RFTN2: variants seen among roughly 807,000 people sequenced by gnomAD.
RFTN2 encodes raftlin-2.
RFTN2 carries 34 observed loss-of-function variants against 52.7 expected under a neutral mutation model. The observed-to-expected ratio is 0.64, with a 90% CI of 0.49 to 0.86. RFTN2 has a LOEUF of 0.86. RFTN2 is among the 40% of genes least tolerant of loss of function. The pLI, the probability that RFTN2 is intolerant of heterozygous loss-of-function variation, is 0.00. For missense variants in RFTN2, 536 were observed against 600.1 expected (o/e 0.89, Z 1.12); for synonymous variants, 203 against 217.7 (o/e 0.93, Z 0.59).
Position 197,588,998 on chromosome 2 carries a change from T to TG in RFTN2, c.1233+6992dup, listed in dbSNP as rs1316198451. ...CAGCATTTTGGGAGGCCAAGGCAGG[T>TG]GGACCACGAGGTCAGGAGTTTGAAC... On this transcript the variant is annotated intron_variant, in intron 8 of 8. Transcript: ENST00000295049. Among the ~76,000 whole-genome samples the TG allele has an allele frequency of 2.0e-5, 3 of 151,972 alleles. No individual in the cohort carries two copies. In the South Asian group the frequency reaches 6.2e-4, roughly 32 times the overall value.
chr2:197,577,085 C>T (rs1050607735), intron 8 of RFTN2, among the ~76,000 whole-genome samples: 11 of 152,180 alleles, frequency 7.2e-5, no homozygotes, highest in African/African-American at 2.4e-4. Flanking sequence ...GGAGTTGTCC[C>T]GCTTTTAGTC....
At chr2:197,674,318 T>A (rs539424093) in intron 1 of RFTN2, among the ~76,000 whole-genome samples, 1 of 84,646 alleles carries the variant, frequency 1.2e-5, no homozygotes, top group African/African-American at 4.6e-5. Context: ...TGCACAAAGA[T>A]GCACTGTTTC....
intron 5 of RFTN2, among the ~76,000 whole-genome samples, chr2:197,626,118 T>A (rs1488790279): frequency 6.6e-6 from 1 of 152,108 alleles, no homozygotes; most frequent in Non-Finnish European, 1.5e-5. Flanking sequence ...CAAATGAGAT[T>A]ATGACTCCCT....
chr2:197,629,947 C>T (rs1024046244), intron 5 of RFTN2, among the ~76,000 whole-genome samples: 8 of 152,142 alleles, frequency 5.3e-5, no homozygotes, highest in African/African-American at 1.4e-4. Context: ...TAGTCTCGAA[C>T]TCCTGGACTC....
chr2:197,641,018 G>A (rs1163096741), intron 3 of RFTN2, among the ~76,000 whole-genome samples: 1 of 152,152 alleles, frequency 6.6e-6, no homozygotes, highest in Non-Finnish European at 1.5e-5. Flanking sequence ...TTAGTTAAAT[G>A]AAGAAATAGC....
chr2:197,626,779 C>T (rs374290282), intron 5 of RFTN2, among the ~76,000 whole-genome samples: 1 of 151,824 alleles, frequency 6.6e-6, no homozygotes, highest in South Asian at 2.1e-4. Flanking sequence ...CCACCACATC[C>T]AGCACATTTT....
chr2:197,629,205 T>A (rs188468233), intron 5 of RFTN2, among the ~76,000 whole-genome samples: 37 of 152,254 alleles, frequency 2.4e-4, no homozygotes, highest in African/African-American at 8.9e-4. Flanking sequence ...CAAATGTCCA[T>A]CAATGATAGA....
chr2:197,651,422 C>T (rs1055768867), intron 1 of RFTN2, among the ~76,000 whole-genome samples: 8 of 152,156 alleles, frequency 5.3e-5, no homozygotes, highest in African/African-American at 1.9e-4. Flanking sequence ...AGTTTGAGAC[C>T]AGCCTGGCCA....
chr2:197,641,263 A>C (rs1239576196), intron 3 of RFTN2, among the ~76,000 whole-genome samples: 5 of 152,234 alleles, frequency 3.3e-5, no homozygotes, highest in African/African-American at 1.2e-4. Context: ...GAGAATTCTG[A>C]GAGCGGGGAG....
At chr2:197,618,178 C>A (rs2088179956) in intron 5 of RFTN2, among the ~76,000 whole-genome samples, 1 of 151,890 alleles carries the variant, frequency 6.6e-6, no homozygotes, top group Non-Finnish European at 1.5e-5. Context: ...CTCACTGCAA[C>A]CTCCCTGCCT....
At chr2:197,629,084 C>G (rs2088416995) in intron 5 of RFTN2, among the ~76,000 whole-genome samples, 1 of 152,204 alleles carries the variant, frequency 6.6e-6, no homozygotes, top group East Asian at 1.9e-4. Flanking sequence ...ACCCAGCCAT[C>G]CCATTACTGC....
In RFTN2 at chr2:197,635,344, G is replaced by C. The variant is rs2088548301; in HGVS notation, c.439-1347C>G. 3.3e-5 allele frequency among the ~76,000 whole-genome samples: 5 copies of C among 152,256 alleles called. No individual in the cohort carries two copies. The South Asian group carries it at 1.0e-3, about 32-fold the overall frequency. On this transcript the variant is annotated intron_variant, in intron 3 of 8. Coordinates refer to ENST00000295049, the MANE Select transcript of RFTN2 (RefSeq NM_144629.3). Reference sequence around the variant, plus strand: ...TCCACAACGGTTGAACTAGTTTACAGTCCCACCAACAGTGTAAAAGTGTTC... The same window carrying C: ...TCCACAACGGTTGAACTAGTTTACACTCCCACCAACAGTGTAAAAGTGTTC...
intron 7 of RFTN2, among the ~76,000 whole-genome samples, chr2:197,611,560 C>T (rs1477357736): frequency 6.6e-6 from 1 of 152,114 alleles, no homozygotes; most frequent in Non-Finnish European, 1.5e-5. Flanking sequence ...TTCAAAAAAC[C>T]AGCTCCTGGA....
At position 197,675,434 on chromosome 2, in the gene RFTN2, C is replaced by G; in HGVS notation, c.25G>C (p.Glu9Gln). Residue 9 changes from glutamate to glutamine, a missense_variant, in exon 1 of 9, where the codon GAA becomes CAA. Glu to Gln is a conservative substitution (Grantham distance 29). Transcript: ENST00000295049. MGCGLRKL[E>Q]DPDDSSPGKI... ...CCAGGGCTGCTATCATCAGGGTCTT[C>G]TAGCTTTCTAAGTCCGCACCCCATG... is the stretch of plus-strand genomic sequence containing the variant. 6.3e-7 allele frequency: 1 copy of G among 1,597,316 alleles called. No homozygotes were observed. Among genetic ancestry groups the G allele is most frequent in the Non-Finnish European group, 8.5e-7 (1 of 1,172,212 alleles).
intron 8 of RFTN2, among the ~76,000 whole-genome samples, chr2:197,590,010 G>A (rs901987848): frequency 6.6e-6 from 1 of 151,812 alleles, no homozygotes; most frequent in African/African-American, 2.4e-5. Flanking sequence ...AGGCTCCAGC[G>A]ATCCCCCCAC....
At chr2:197,628,022 A>G (rs561237329) in intron 5 of RFTN2, among the ~76,000 whole-genome samples, 2 of 152,224 alleles carry the variant, frequency 1.3e-5, no homozygotes, top group South Asian at 4.2e-4. Flanking sequence ...GGAAGAGGAC[A>G]GAAGCAAGAC....
intron 1 of RFTN2, among the ~76,000 whole-genome samples, chr2:197,648,553 C>T (rs2088784270): frequency 6.6e-6 from 1 of 152,086 alleles, no homozygotes; most frequent in Admixed American, 6.6e-5. Flanking sequence ...AAAACTATAA[C>T]AAAATGGAAG....
chr2:197,655,373 T>C (rs1339727642), intron 1 of RFTN2, among the ~76,000 whole-genome samples: 1 of 152,188 alleles, frequency 6.6e-6, no homozygotes, highest in Non-Finnish European at 1.5e-5. Flanking sequence ...AAGGATATTG[T>C]CTTAAGTCTT....
intron 7 of RFTN2, among the ~76,000 whole-genome samples, chr2:197,605,883 A>T (rs1030000346): frequency 2.0e-5 from 3 of 152,148 alleles, no homozygotes; most frequent in Admixed American, 1.3e-4. Flanking sequence ...CTATTCTTTC[A>T]TCACGGTGCC....
Sources: allele counts gnomAD v4.1 joint callset (sites outside exome capture counted in the v4.1 genomes callset), GRCh38; gene constraint gnomAD v4.1.1; transcripts MANE v1.5; gene names NCBI Gene and HGNC (gene_info 2026-07-23, HGNC 2026-07-21).